ATP12A: variants seen among roughly 807,000 people sequenced by gnomAD.
ATP12A encodes potassium-transporting ATPase alpha chain 2.
Under a neutral mutation model 111.2 loss-of-function variants are expected in ATP12A, and 81 were observed. The ratio of observed to expected loss-of-function variants is 0.73; its 90% confidence interval spans 0.61 to 0.88. The LOEUF is 0.88. Ranked by LOEUF, ATP12A falls within the 40% of genes least tolerant of loss-of-function variation. The pLI, the probability that ATP12A is intolerant of heterozygous loss-of-function variation, is 0.00. For synonymous variants in ATP12A, 498 were observed against 499.8 expected (o/e 1.00, Z 0.05); for missense variants, 1,196 against 1,313.1 (o/e 0.91, Z 1.38).
Position 24,707,399 on chromosome 13 carries a change from T to C in ATP12A, c.2459T>C (p.Ile820Thr), listed in dbSNP as rs1365119693. Reference protein sequence around the residue: ...IVGLPLPIGTITILFIDLGTD... With the variant: ...IVGLPLPIGTTTILFIDLGTD... ...GGGCTCCCCCTGCCCATTGGCACCA[T>C]CACCATTCTGTTCATTGACTTGGGG... Residue 820 changes from isoleucine (I) to threonine (T), a missense_variant, in exon 17 of 23, where the codon ATC becomes ACC. By Grantham distance (89) the Ile-to-Thr change is moderately conservative. Transcript: ENST00000381946. 8 of 1,614,226 alleles carry C rather than the reference T, an allele frequency of 5.0e-6. No individual in the cohort carries two copies. Among genetic ancestry groups the C allele is most frequent in the Non-Finnish European group, 6.8e-6 (8 of 1,180,042 alleles).
At chr13:24,682,469 T>C (rs1593129201) in intron 2 of ATP12A, among the ~76,000 whole-genome samples, 6 of 151,390 alleles carry the variant, frequency 4.0e-5, no homozygotes, top group Admixed American at 3.3e-4. Context: ...GCAGGATTCC[T>C]GCATTCTGGT....
rs867803941 is a variant in ATP12A, at chr13:24,699,420, G to A, written c.1705+570G>A. On this transcript the variant is annotated intron_variant, in intron 12 of 22. Coordinates refer to ENST00000381946, the MANE Select transcript of ATP12A (RefSeq NM_001676.7). ...TTTAACTTCTTTAAATGTCTTTGGC[G>A]GCAGCAGGGAGAGGAGAGATGCACA... Among the ~76,000 whole-genome samples the A allele has an allele frequency of 3.9e-5, 6 of 152,264 alleles. No individual in the cohort carries two copies. In the East Asian group the frequency reaches 5.8e-4, roughly 15 times the overall value.
chr13:24,707,039 T>C lies in ATP12A; in HGVS notation c.2186T>C (p.Val729Ala). ...CCGCCATAGGATGCTGTTGTTGCTG[T>C]GACCGGGGATGGAGTTAATGACTCT... ...GCQRQDAVVA[V>A]TGDGVNDSPA... The change falls in exon 16 of 23, where the codon GTG (valine) becomes GCG (alanine). Residue 729 changes from valine to alanine, a missense_variant. By Grantham distance (64) the Val-to-Ala change is moderately conservative. Coordinates refer to ENST00000381946, the MANE Select transcript of ATP12A (RefSeq NM_001676.7). 6.2e-7 allele frequency: 1 copy of C among 1,606,292 alleles called. No individual in the cohort carries two copies. Among genetic ancestry groups the C allele is most frequent in the Non-Finnish European group, 8.5e-7 (1 of 1,175,434 alleles).
At position 24,692,794 on chromosome 13, in the gene ATP12A, C is replaced by A. The variant is rs963984; in HGVS notation, c.1275C>A (p.Val425=). 0.12 allele frequency: 199,264 copies of A among 1,613,634 alleles called. 19,706 individuals carry two copies. Among genetic ancestry groups the A allele is most frequent in the East Asian group, 0.51 (22,733 of 44,880 alleles). ...TCTTTCTCTGTCTTCCAGACCAAGT[C>A]TTTGACCAAAGCTCTAGGACTTGGG... ...ADTSEDHSNQ[V]FDQSSRTWAS... is the part of the protein sequence containing the mutation. The change falls in exon 10 of 23, where the codon GTC becomes GTA. Residue 425 remains valine, a synonymous_variant. Coordinates refer to ENST00000381946, the MANE Select transcript of ATP12A (RefSeq NM_001676.7).
In ATP12A at chr13:24,690,490, TCCA is replaced by T. The variant is rs1874840264; in HGVS notation, c.681+21_681+23del. Reference sequence around the variant, plus strand: ...GGTGTCGGGTAAGCGGCAAGGGGTATCCACCCCAAGGACCATGTTCCAAACCTG... The same window carrying T: ...GGTGTCGGGTAAGCGGCAAGGGGTATCCCCAAGGACCATGTTCCAAACCTG... On this transcript the variant is annotated intron_variant, in intron 6 of 22. Transcript: ENST00000381946. 1 of 1,613,260 alleles carries T rather than the reference TCCA, an allele frequency of 6.2e-7. No homozygotes were observed. The highest frequency in any genetic ancestry group is 1.3e-5 in the African/African-American group (1 of 74,830).
chr13:24,686,600 A>G (rs149055644), intron 3 of ATP12A, among the ~76,000 whole-genome samples: 3,333 of 151,186 alleles, frequency 0.022, 107 homozygotes, highest in African/African-American at 0.075. Flanking sequence ...TTAGTCGGGC[A>G]CGGTGGCGGG....
intron 10 of ATP12A, 131 bp from the exon 11 acceptor site, chr13:24,694,313 C>G: frequency 8.2e-7 from 1 of 1,217,626 alleles, no homozygotes; most frequent in Non-Finnish European, 1.2e-6. Flanking sequence ...TTGCGGCCCT[C>G]CCTGATCACG....
At chr13:24,695,376 C>T (rs567779673) in intron 11 of ATP12A, among the ~76,000 whole-genome samples, 4 of 152,106 alleles carry the variant, frequency 2.6e-5, no homozygotes, top group Non-Finnish European at 2.9e-5. Context: ...CAGGGCTGGC[C>T]GACAGTCAGC....
Position 24,708,938 on chromosome 13 carries a change from AAAG to A in ATP12A, c.2494-423_2494-421del, listed in dbSNP as rs1246419288. Among the ~76,000 whole-genome samples, 137 of 123,516 alleles carry A rather than the reference AAAG, an allele frequency of 1.1e-3. 4 individuals carry two copies. The highest frequency in any genetic ancestry group is 9.6e-4 in the Non-Finnish European group (51 of 53,306). The allele number at this position is 123,516 out of a possible 152,430, so 81.0% of individuals were successfully genotyped here. ...GAAAGAAAGAAAGAAAGAAAGAAAG[AAAG>A]AAAGAAAGAAAGAAAGAAAGAAGGA... is the stretch of plus-strand genomic sequence containing the variant. On this transcript the variant is annotated intron_variant, in intron 17 of 22. Transcript: ENST00000381946.
In ATP12A at chr13:24,690,334, G is replaced by A; in HGVS notation, c.547-4G>A. On this transcript the variant is annotated splice_region_variant and splice_polypyrimidine_tract_variant and intron_variant, in intron 5 of 22. Transcript: ENST00000381946. ...GAGGCATCTGTCATGGTTTTTTTCTGCAGCAAGCTCTCGTCATCCGAGATT... is the reference window on the plus strand; with the variant it reads ...GAGGCATCTGTCATGGTTTTTTTCTACAGCAAGCTCTCGTCATCCGAGATT... The A allele has an allele frequency of 1.2e-6, 2 of 1,612,222 alleles. No homozygotes were observed. Among genetic ancestry groups the A allele is most frequent in the Non-Finnish European group, 1.7e-6 (2 of 1,179,568 alleles).
chr13:24,693,216 T>C (rs1874987849), intron 10 of ATP12A, among the ~76,000 whole-genome samples: 2 of 152,180 alleles, frequency 1.3e-5, no homozygotes, highest in African/African-American at 4.8e-5. Context: ...ATACACACCA[T>C]TCATGGAAAT....
intron 2 of ATP12A, among the ~76,000 whole-genome samples, chr13:24,682,558 G>A (rs8001545): frequency 3.3e-5 from 5 of 152,154 alleles, no homozygotes; most frequent in Non-Finnish European, 7.3e-5. Flanking sequence ...CTCTCTCCCC[G>A]CAGCTGCTTC....
chr13:24,688,576 G>A (rs1359739228), intron 4 of ATP12A, 54 bp downstream of exon 4: 2 of 1,462,984 alleles, frequency 1.4e-6, no homozygotes, highest in Non-Finnish European at 1.8e-6. Flanking sequence ...ATCCAGTGAG[G>A]CCTTGGGGGC....
intron 4 of ATP12A, 84 bp from the exon 5 acceptor site, chr13:24,689,178 A>C (rs1216419907): frequency 9.5e-7 from 1 of 1,054,572 alleles, no homozygotes; most frequent in African/African-American, 1.6e-5. Context: ...CCAGCATTGC[A>C]TCCTCCCGTG....
At chr13:24,702,132 T>C in intron 14 of ATP12A, 61 bp downstream of exon 14, 1 of 1,602,198 alleles carries the variant, frequency 6.2e-7, no homozygotes, top group South Asian at 1.1e-5. Flanking sequence ...CCACTGGCTC[T>C]AAAGAGCTGC....
At chr13:24,700,985 G>A in intron 13 of ATP12A, 63 bp downstream of exon 13, 18 of 1,558,750 alleles carry the variant, frequency 1.2e-5, no homozygotes, top group South Asian at 5.9e-5. Flanking sequence ...TCTAATAATG[G>A]TTTTCATAGC....
intron 14 of ATP12A, among the ~76,000 whole-genome samples, chr13:24,705,665 G>A (rs1038376567): frequency 2.0e-5 from 3 of 152,036 alleles, no homozygotes; most frequent in African/African-American, 7.2e-5. Flanking sequence ...CAGTTTGGGG[G>A]TTTTATTTTT....
At chr13:24,681,491 G>C in intron 1 of ATP12A, 71 bp from the exon 2 acceptor site, 1 of 1,549,810 alleles carries the variant, frequency 6.5e-7, no homozygotes, top group Non-Finnish European at 8.7e-7. Flanking sequence ...TCCTGACCCC[G>C]CAGAGGGGCG....
chr13:24,692,741 G>T (rs766417528), intron 9 of ATP12A, 46 bp from the exon 10 acceptor site: 2 of 1,604,234 alleles, frequency 1.2e-6, no homozygotes, highest in East Asian at 2.2e-5. Context: ...ACTCATGGAC[G>T]GCCAGCCCAA....
Sources: gnomAD v4.1 joint callset for allele counts (sites outside exome capture counted in the v4.1 genomes callset) on GRCh38, gnomAD v4.1.1 for gene constraint, MANE v1.5 for transcripts, NCBI Gene and HGNC (gene_info 2026-07-23, HGNC 2026-07-21) for gene names.